MSI2: variants seen among roughly 807,000 people sequenced by gnomAD.
MSI2 encodes the protein RNA-binding protein Musashi homolog 2.
Under a neutral mutation model 45.6 loss-of-function variants are expected in MSI2, and 17 were observed. The ratio of observed to expected loss-of-function variants is 0.37; its 90% CI spans 0.26 to 0.56. MSI2 has a LOEUF of 0.56. Ranked by LOEUF, MSI2 falls within the 20% of genes least tolerant of loss-of-function variation. The pLI is 0.77. For synonymous variants in MSI2, 156 were observed against 158.2 expected (o/e 0.99, Z 0.11); for missense variants, 293 against 444.2 (o/e 0.66, Z 3.06).
At position 57,300,582 on chromosome 17, in the gene MSI2, T is replaced by G. The variant is rs576315190; in HGVS notation, c.312+38390T>G. Among the ~76,000 whole-genome samples the G allele has an allele frequency of 3.9e-5, 6 of 152,278 alleles. No homozygotes were observed. In the East Asian group the frequency reaches 1.2e-3, roughly 29 times the overall value. ...TCAAAGGAAATGCTGAGTGCCACCT[T>G]TAAGATGATGTATTCATGGGTGTAT... On this transcript the variant is annotated intron_variant, in intron 5 of 13. Coordinates refer to ENST00000284073, the MANE Select transcript of MSI2 (RefSeq NM_138962.4).
At chr17:57,332,967 G>A (rs1485398977) in intron 5 of MSI2, among the ~76,000 whole-genome samples, 4 of 152,152 alleles carry the variant, frequency 2.6e-5, no homozygotes, top group South Asian at 2.1e-4. Context: ...AGAGGTTGCA[G>A]TGAGCCGAGA....
chr17:57,424,558 C>T (rs2084456613), intron 6 of MSI2, among the ~76,000 whole-genome samples: 1 of 152,200 alleles, frequency 6.6e-6, no homozygotes, highest in Admixed American at 6.5e-5. Flanking sequence ...GAGCTGCTGC[C>T]TGGCCTCCTG....
intron 5 of MSI2, among the ~76,000 whole-genome samples, chr17:57,304,667 T>C (rs937075195): frequency 7.1e-4 from 108 of 152,158 alleles, no homozygotes; most frequent in African/African-American, 2.2e-3. Flanking sequence ...CAGGTGATCC[T>C]TCTGCCTCGG....
chr17:57,496,318 C>CT (rs1201460924), intron 6 of MSI2, among the ~76,000 whole-genome samples: 1 of 152,134 alleles, frequency 6.6e-6, no homozygotes, highest in Non-Finnish European at 1.5e-5. Context: ...CTATGTGGTA[C>CT]TTTCAGTTTT....
rs974338915 is a variant in MSI2, at chr17:57,680,852, C to T, written c.*1335C>T. ...AATCATTTCAGCACCTCCAAAGGTCCCTAGGACACTTTGCCTCTCTTCTCC... is the reference window on the plus strand; with the variant it reads ...AATCATTTCAGCACCTCCAAAGGTCTCTAGGACACTTTGCCTCTCTTCTCC... On this transcript the variant is annotated 3_prime_UTR_variant, in exon 14 of 14. Transcript: ENST00000284073. 9.7e-6 allele frequency: 2 copies of T among 206,764 alleles called. No homozygotes were observed. The highest frequency in any genetic ancestry group is 4.6e-5 in the African/African-American group (2 of 43,772). The allele number at this position is 206,764 out of a possible 1,614,324, so 12.8% of individuals were successfully genotyped here.
intron 5 of MSI2, among the ~76,000 whole-genome samples, chr17:57,385,190 G>T (rs1426440844): frequency 6.6e-6 from 1 of 152,110 alleles, no homozygotes; most frequent in Non-Finnish European, 1.5e-5. Context: ...AAAACACAAA[G>T]CTGGTCATGT....
At position 57,603,726 on chromosome 17, in the gene MSI2, G is replaced by C. The variant is rs114155164; in HGVS notation, c.537+6776G>C. On this transcript the variant is annotated intron_variant, in intron 8 of 13. Transcript: ENST00000284073. ...AGTCCAGGCAATATATAAATGAAGG[G>C]GCGTGGCTGTGTTCAAATAAAGCTT... Among the ~76,000 whole-genome samples the C allele has an allele frequency of 5.1e-3, 781 of 152,290 alleles. 9 individuals are homozygous for C. The highest frequency in any genetic ancestry group is 0.018 in the African/African-American group (735 of 41,550).
At chr17:57,494,637 A>C (rs1429410758) in intron 6 of MSI2, among the ~76,000 whole-genome samples, 1 of 152,192 alleles carries the variant, frequency 6.6e-6, no homozygotes, top group Non-Finnish European at 1.5e-5. Context: ...TTGCTTTTGC[A>C]TCTGCTCTTT....
chr17:57,488,213 A>G (rs997052069), intron 6 of MSI2, among the ~76,000 whole-genome samples: 1 of 48,944 alleles, frequency 2.0e-5, no homozygotes, highest in African/African-American at 5.2e-5. Context: ...GCTCACTGGT[A>G]TATAACAACA....
intron 8 of MSI2, among the ~76,000 whole-genome samples, chr17:57,610,278 CCT>C (rs1907111450): frequency 6.6e-6 from 1 of 152,054 alleles, no homozygotes; most frequent in African/African-American, 2.4e-5. Flanking sequence ...TGGTGAAACC[CCT>C]GTCTCTACTA....
At chr17:57,626,660 C>G (rs1401763856) in intron 9 of MSI2, 1 of 154,828 alleles carries the variant, frequency 6.5e-6, no homozygotes, top group Non-Finnish European at 1.4e-5. Flanking sequence ...CATCCAGCCT[C>G]TCACCATTCT....
chr17:57,478,140 G>A lies in MSI2; in HGVS notation c.406-51536G>A, dbSNP rs188378469. On this transcript the variant is annotated intron_variant, in intron 6 of 13. Transcript: ENST00000284073. ...CTCTTAGCAGACGGTATGCCACACTGGGCACATTGATGGCGGGCCCACTGG... is the reference window on the plus strand; with the variant it reads ...CTCTTAGCAGACGGTATGCCACACTAGGCACATTGATGGCGGGCCCACTGG... Among the ~76,000 whole-genome samples the A allele has an allele frequency of 2.0e-5, 3 of 152,232 alleles. No individual in the cohort carries two copies. In the East Asian group the frequency reaches 5.8e-4, roughly 29 times the overall value.
intron 6 of MSI2, among the ~76,000 whole-genome samples, chr17:57,494,391 T>C (rs1027481804): frequency 6.6e-6 from 1 of 152,142 alleles, no homozygotes; most frequent in Non-Finnish European, 1.5e-5. Flanking sequence ...TTTGATTCTT[T>C]TTTGGTGCCA....
intron 8 of MSI2, among the ~76,000 whole-genome samples, chr17:57,600,395 A>C (rs1176491020): frequency 6.6e-6 from 1 of 152,226 alleles, no homozygotes; most frequent in Non-Finnish European, 1.5e-5. Context: ...AGTCACAGAC[A>C]TAGTACTTGA....
intron 11 of MSI2, among the ~76,000 whole-genome samples, chr17:57,673,727 C>T (rs1442993246): frequency 2.0e-5 from 3 of 152,036 alleles, no homozygotes; most frequent in African/African-American, 4.8e-5. Context: ...GGGGCCGAGG[C>T]AGTGTCACCT....
At chr17:57,649,352 T>G (rs1910946916) in intron 10 of MSI2, among the ~76,000 whole-genome samples, 1 of 143,594 alleles carries the variant, frequency 7.0e-6, no homozygotes, top group Non-Finnish European at 1.5e-5. Flanking sequence ...GCCCAACACA[T>G]ATACACAACA....
At chr17:57,603,098 G>A (rs983656246) in intron 8 of MSI2, among the ~76,000 whole-genome samples, 1 of 152,204 alleles carries the variant, frequency 6.6e-6, no homozygotes, top group South Asian at 2.1e-4. Flanking sequence ...CTCCAGGCCA[G>A]TCTGGTGCTC....
intron 6 of MSI2, among the ~76,000 whole-genome samples, chr17:57,494,518 C>T (rs915395592): frequency 4.6e-5 from 7 of 152,126 alleles, no homozygotes; most frequent in Non-Finnish European, 8.8e-5. Context: ...TAAGGACCTG[C>T]GTTTGGTCTT....
At chr17:57,551,936 C>G (rs1386179987) in intron 7 of MSI2, among the ~76,000 whole-genome samples, 1 of 152,216 alleles carries the variant, frequency 6.6e-6, no homozygotes, top group Non-Finnish European at 1.5e-5. Flanking sequence ...CTCCCCCTGG[C>G]TGGAGCACTC....
Sources: allele counts gnomAD v4.1 joint callset (sites outside exome capture counted in the v4.1 genomes callset), GRCh38; gene constraint gnomAD v4.1.1; transcripts MANE v1.5; gene names NCBI Gene and HGNC (gene_info 2026-07-23, HGNC 2026-07-21).